KIF6: variants seen among roughly 807,000 people sequenced by gnomAD.
KIF6 encodes kinesin family member 6, also known as kinesin-like protein KIF6.
Under a neutral mutation model 112.7 loss-of-function variants are expected in KIF6, and 106 were observed. The observed-to-expected ratio is 0.94, with a 90% CI of 0.80 to 1.11. The LOEUF (loss-of-function observed/expected upper bound fraction) is 1.11. Ranked by LOEUF, KIF6 falls within the 50% of genes least tolerant of loss-of-function variation. The probability of loss-of-function intolerance (pLI) is 0.00; values close to 1 mark genes in which losing one functional copy is unlikely to be tolerated. For missense variants in KIF6, 929 were observed against 964.0 expected (o/e 0.96, Z 0.48); for synonymous variants, 339 against 339.9 (o/e 1.00, Z 0.03).
At chr6:39,676,735 C>A (rs1390276725) in intron 3 of KIF6, among the ~76,000 whole-genome samples, 1 of 151,358 alleles carries the variant, frequency 6.6e-6, no homozygotes, top group Non-Finnish European at 1.5e-5. Context: ...TTAACAATAG[C>A]CACTAAAAGA....
At chr6:39,545,941 G>T (rs188759059) in intron 10 of KIF6, among the ~76,000 whole-genome samples, 2 of 152,192 alleles carry the variant, frequency 1.3e-5, no homozygotes, top group Admixed American at 1.3e-4. Context: ...GATTTCTATG[G>T]TCCATCCATT....
intron 3 of KIF6, among the ~76,000 whole-genome samples, chr6:39,672,170 G>C (rs302574): frequency 0.86 from 130,674 of 152,208 alleles, 56,531 homozygotes; most frequent in East Asian, 0.97. Context: ...ATTTTAGAGA[G>C]AGGGTCTCAC....
chr6:39,437,461 G>T (rs1410488), intron 13 of KIF6, among the ~76,000 whole-genome samples: 50,486 of 152,066 alleles, frequency 0.33, 10,365 homozygotes, highest in African/African-American at 0.58. Context: ...TCTTTTGAAT[G>T]AATGAATGAA....
chr6:39,685,763 A>G (rs1404484690), intron 3 of KIF6, among the ~76,000 whole-genome samples: 1 of 152,210 alleles, frequency 6.6e-6, no homozygotes, highest in Admixed American at 6.5e-5. Context: ...CACAGGTCCA[A>G]CCCCACATGG....
intron 5 of KIF6, among the ~76,000 whole-genome samples, chr6:39,615,508 A>G (rs1302244261): frequency 7.2e-6 from 1 of 139,426 alleles, no homozygotes; most frequent in Non-Finnish European, 1.5e-5. Flanking sequence ...CTCTCCCCAG[A>G]CCCCCATACA....
intron 13 of KIF6, among the ~76,000 whole-genome samples, chr6:39,514,725 T>G (rs1776968380): frequency 6.6e-6 from 1 of 152,204 alleles, no homozygotes; most frequent in Non-Finnish European, 1.5e-5. Context: ...TTTATAAAAC[T>G]ACTTGGATGA....
At chr6:39,450,936 T>C (rs1036176831) in intron 13 of KIF6, among the ~76,000 whole-genome samples, 1 of 152,260 alleles carries the variant, frequency 6.6e-6, no homozygotes, top group Non-Finnish European at 1.5e-5. Flanking sequence ...CCTGTTTATT[T>C]TACTTAACAT....
intron 13 of KIF6, among the ~76,000 whole-genome samples, chr6:39,433,770 G>A (rs1350822946): frequency 6.6e-6 from 1 of 152,226 alleles, no homozygotes; most frequent in Non-Finnish European, 1.5e-5. Flanking sequence ...GCCACCACTT[G>A]GGGCAAGGCT....
chr6:39,461,066 G>A (rs1041906304), intron 13 of KIF6, among the ~76,000 whole-genome samples: 2 of 152,044 alleles, frequency 1.3e-5, no homozygotes, highest in African/African-American at 2.4e-5. Flanking sequence ...AAGTAAGCAC[G>A]CATGAATGAA....
chr6:39,642,168 G>C (rs1045659491), intron 3 of KIF6, among the ~76,000 whole-genome samples: 3 of 152,074 alleles, frequency 2.0e-5, no homozygotes, highest in African/African-American at 7.2e-5. Context: ...AGAAATAGTG[G>C]TGTAATGAAC....
chr6:39,641,156 T>C (rs879544933), intron 3 of KIF6, among the ~76,000 whole-genome samples: 1 of 152,178 alleles, frequency 6.6e-6, no homozygotes, highest in South Asian at 2.1e-4. Context: ...ATCATTTGGA[T>C]ATATGATATT....
At chr6:39,409,268 C>G (rs111596572) in intron 15 of KIF6, among the ~76,000 whole-genome samples, 1 of 152,178 alleles carries the variant, frequency 6.6e-6, no homozygotes, top group African/African-American at 2.4e-5. Context: ...AGCATTGACA[C>G]CTGACTTTGG....
intron 13 of KIF6, among the ~76,000 whole-genome samples, chr6:39,468,375 T>C (rs1773921676): frequency 6.6e-6 from 1 of 152,142 alleles, no homozygotes; most frequent in East Asian, 1.9e-4. Flanking sequence ...TCCAAGAGTC[T>C]TAATAAATTC....
intron 5 of KIF6, among the ~76,000 whole-genome samples, chr6:39,619,965 C>T (rs1561869929): frequency 6.6e-6 from 1 of 152,144 alleles, no homozygotes; most frequent in East Asian, 1.9e-4. Context: ...CTAACAATAT[C>T]ACTTCACAAC....
chr6:39,414,776 T>C (rs1258010479), intron 15 of KIF6, among the ~76,000 whole-genome samples: 1 of 151,964 alleles, frequency 6.6e-6, no homozygotes, highest in Non-Finnish European at 1.5e-5. Context: ...CAGAAGACAA[T>C]GTCAAAGTCA....
intron 3 of KIF6, among the ~76,000 whole-genome samples, chr6:39,686,336 A>G (rs573264269): frequency 6.6e-6 from 1 of 152,344 alleles, no homozygotes; most frequent in African/African-American, 2.4e-5. Context: ...CAAACCTTTG[A>G]AAATGCACTT....
At chr6:39,720,400 A>C (rs1403525667) in intron 2 of KIF6, among the ~76,000 whole-genome samples, 1 of 152,158 alleles carries the variant, frequency 6.6e-6, no homozygotes, top group African/African-American at 2.4e-5. Context: ...TTAATCATGC[A>C]TTGGAACTTT....
At chr6:39,346,049 G>GCTCTCTCTCT (rs1203700665) in intron 20 of KIF6, among the ~76,000 whole-genome samples, 1,386 of 28,948 alleles carry the variant, frequency 0.048, 375 homozygotes, top group Non-Finnish European at 0.068. Context: ...AAACTACAGT[G>GCTCTCTCTCT]CTCTCTCTCT....
chr6:39,355,875 C>T (rs1764637398), intron 19 of KIF6, among the ~76,000 whole-genome samples: 1 of 152,070 alleles, frequency 6.6e-6, no homozygotes, highest in South Asian at 2.1e-4. Context: ...CCCAGCTTCC[C>T]CTATCGGGCA....
Sources: gnomAD v4.1 joint callset for allele counts (sites outside exome capture counted in the v4.1 genomes callset) on GRCh38, gnomAD v4.1.1 for gene constraint, MANE v1.5 for transcripts, NCBI Gene and HGNC (gene_info 2026-07-23, HGNC 2026-07-21) for gene names.